Variants in CIRBP observed in about 807,000 individuals in gnomAD.
The protein encoded by CIRBP is cold inducible RNA binding protein.
A neutral mutation model predicts 22.3 loss-of-function variants in CIRBP; 11 were observed. That is an observed-to-expected ratio of 0.49 (90% CI 0.31 to 0.82). CIRBP has a LOEUF of 0.82. CIRBP is among the 40% of genes least tolerant of loss of function. CIRBP has a pLI of 0.05. For synonymous variants in CIRBP, 216 were observed against 158.8 expected (o/e 1.36, Z -2.71); for missense variants, 456 against 402.7 (o/e 1.13, Z -1.13).
Position 1,271,532 on chromosome 19 carries a change from C to T in CIRBP, c.350-19C>T, listed in dbSNP as rs915741978. ...TACTGCTGGTGGGAGCTGGTACTCA[C>T]TTTTTCCTGTATGTGCAGGAGGAGG... On this transcript the variant is annotated intron_variant, in intron 4 of 5. Transcript: ENST00000587896. The T allele has an allele frequency of 2.5e-6, 4 of 1,593,234 alleles. No individual in the cohort carries two copies. The highest frequency in any genetic ancestry group is 1.8e-5 in the Admixed American group (1 of 56,736).
Position 1,274,626 on chromosome 19 carries a change from C to T in CIRBP, c.*2183C>T, listed in dbSNP as rs1056400997. Reference sequence around the variant, plus strand: ...CCCGCCTGGAGCCCGCGCCTGTTCTCCCTCCCTTCCTCCTCCTTCCAGGAG... The same window carrying T: ...CCCGCCTGGAGCCCGCGCCTGTTCTTCCTCCCTTCCTCCTCCTTCCAGGAG... On this transcript the variant is annotated 3_prime_UTR_variant, in exon 6 of 6. Transcript: ENST00000587896. 2.2e-5 allele frequency: 6 copies of T among 268,214 alleles called. No individual in the cohort carries two copies. The highest frequency in any genetic ancestry group is 4.2e-5 in the Non-Finnish European group (6 of 143,476). 16.6% of individuals were successfully genotyped at this position (268,214 alleles called of 1,614,324 possible).
At chr19:1,271,787 A>G in intron 5 of CIRBP, 155 bp downstream of exon 5, 1 of 699,854 alleles carries the variant, frequency 1.4e-6, no homozygotes, top group Non-Finnish European at 2.4e-6. Context: ...ACTGCTCAGG[A>G]CATTCGCAGA....
At chr19:1,270,522 CTT>C (rs1340613147) in intron 1 of CIRBP, among the ~76,000 whole-genome samples, 10 of 152,168 alleles carry the variant, frequency 6.6e-5, no homozygotes, top group Admixed American at 6.5e-4. Flanking sequence ...AATCCCAAAA[CTT>C]TGGGTGGCCA....
chr19:1,269,678 C>T (rs913569631), intron 1 of CIRBP: 34 of 305,990 alleles, frequency 1.1e-4, no homozygotes, highest in African/African-American at 7.6e-4. Context: ...ATGGCGGGAG[C>T]GCCGAGTTCC....
rs1259511264 is a variant in CIRBP, at chr19:1,272,627, C to T, written c.*184C>T. The T allele has an allele frequency of 2.0e-6, 1 of 498,824 alleles. No individual in the cohort carries two copies. Among genetic ancestry groups the T allele is most frequent in the Non-Finnish European group, 3.6e-6 (1 of 279,880 alleles). 30.9% of individuals were successfully genotyped at this position (498,824 alleles called of 1,614,324 possible). On this transcript the variant is annotated 3_prime_UTR_variant, in exon 6 of 6. Coordinates refer to ENST00000587896, the MANE Select transcript of CIRBP (RefSeq NM_001300829.2). ...ACGCCGGGATGGCCTCGTTACTAGA[C>T]TTTTCTTTTTAAGGAAGTGCTGTTT...
At chr19:1,269,796 G>A (rs764033832) in intron 1 of CIRBP, 2 of 509,608 alleles carry the variant, frequency 3.9e-6, no homozygotes, top group Non-Finnish European at 3.9e-6. Context: ...TGGGGCTGGA[G>A]GTATCCACAC....
Position 1,270,756 on chromosome 19 carries a change from G to T in CIRBP, c.-6-172G>T. On this transcript the variant is annotated intron_variant, in intron 1 of 5. Coordinates refer to ENST00000587896, the MANE Select transcript of CIRBP (RefSeq NM_001300829.2). ...AGTCTGGGTGACAGTTAGACACACT[G>T]CCCCCGACCCCAAAAAAATAAGTCC... The T allele has an allele frequency of 1.3e-5, 8 of 602,336 alleles. No homozygotes were observed. The South Asian group carries it at 1.5e-4, about 11-fold the overall frequency. The allele number at this position is 602,336 out of a possible 1,614,324, so 37.3% of individuals were successfully genotyped here. A position where few individuals can be genotyped will look rare whatever the true frequency, so the allele number is the denominator to read the frequency against.
chr19:1,271,778 C>T lies in CIRBP; in HGVS notation c.431+146C>T, dbSNP rs2081345292. The T allele has an allele frequency of 4.3e-6, 3 of 699,506 alleles. No homozygotes were observed. The South Asian group carries it at 5.6e-5, about 13-fold the overall frequency. The allele number at this position is 699,506 out of a possible 1,614,324, so 43.3% of individuals were successfully genotyped here. A position where few individuals can be genotyped will look rare whatever the true frequency, so the allele number is the denominator to read the frequency against. On this transcript the variant is annotated intron_variant, in intron 5 of 5. Transcript: ENST00000587896. ...GGACCCAGGCCAAGAGGAGAGGAGA[C>T]TGCTCAGGACATTCGCAGAAGCGGG...
chr19:1,271,289 G>A (rs964807147), intron 3 of CIRBP, 40 bp from the exon 4 acceptor site: 5 of 1,613,886 alleles, frequency 3.1e-6, no homozygotes, highest in Non-Finnish European at 1.7e-6. Context: ...CTCGAGGATG[G>A]GGCACCCACC....
In CIRBP at chr19:1,272,275, A is replaced by G; in HGVS notation, c.726A>G (p.Ser242=). ...GKGERGPAGQ[S]ARCMCGRRPA... is the part of the protein sequence containing the mutation. Reference sequence around the variant, plus strand: ...GAGAGCGAGGGCCCGCTGGGCAGTCAGCTAGGTGCATGTGTGGCCGCAGGC... The same window carrying G: ...GAGAGCGAGGGCCCGCTGGGCAGTCGGCTAGGTGCATGTGTGGCCGCAGGC... Residue 242 remains serine, a synonymous_variant, in exon 6 of 6, where the codon TCA becomes TCG. Transcript: ENST00000587896. The G allele has an allele frequency of 6.2e-7, 1 of 1,612,596 alleles. No homozygotes were observed. Among genetic ancestry groups the G allele is most frequent in the South Asian group, 1.1e-5 (1 of 91,062 alleles).
Position 1,271,636 on chromosome 19 carries a change from A to C in CIRBP, c.431+4A>C. 1 of 1,501,728 alleles carries C rather than the reference A, an allele frequency of 6.7e-7. No homozygotes were observed. Among genetic ancestry groups the C allele is most frequent in the Non-Finnish European group, 9.0e-7 (1 of 1,105,750 alleles). The allele number at this position is 1,501,728 out of a possible 1,614,324, so 93.0% of individuals were successfully genotyped here. ...GCTCCAGAGACTACTATAGCAGGTGAGGGGGAGGCCGGCCCAAGCACAGGG... is the reference window on the plus strand; with the variant it reads ...GCTCCAGAGACTACTATAGCAGGTGCGGGGGAGGCCGGCCCAAGCACAGGG... On this transcript the variant is annotated splice_donor_region_variant and intron_variant, in intron 5 of 5. Transcript: ENST00000587896.
Position 1,272,694 on chromosome 19 carries a change from T to A in CIRBP, c.*251T>A. The A allele has an allele frequency of 2.6e-6, 1 of 381,754 alleles. No homozygotes were observed. Among genetic ancestry groups the A allele is most frequent in the South Asian group, 7.8e-5 (1 of 12,826 alleles). The allele number at this position is 381,754 out of a possible 1,614,324, so 23.6% of individuals were successfully genotyped here. On this transcript the variant is annotated 3_prime_UTR_variant, in exon 6 of 6. Transcript: ENST00000587896. ...AAAACATTTTGAAAAGCATTTACTT[T>A]TTTGACCACGAGCCATGAGTTTTCA...
In CIRBP at chr19:1,274,237, G is replaced by T; in HGVS notation, c.*1794G>T. The T allele has an allele frequency of 2.5e-6, 1 of 400,668 alleles. No homozygotes were observed. The highest frequency in any genetic ancestry group is 4.4e-6 in the Non-Finnish European group (1 of 226,108). 24.8% of individuals were successfully genotyped at this position (400,668 alleles called of 1,614,324 possible). On this transcript the variant is annotated 3_prime_UTR_variant, in exon 6 of 6. Transcript: ENST00000587896. ...CTTCCTAGGGGCTGTGGCTGTTTCCGGGGAGGCCGGGAGGGGCAGCTGTGA... is the reference window on the plus strand; with the variant it reads ...CTTCCTAGGGGCTGTGGCTGTTTCCTGGGAGGCCGGGAGGGGCAGCTGTGA...
Position 1,274,475 on chromosome 19 carries a change from G to C in CIRBP, c.*2032G>C, listed in dbSNP as rs2081389908. The C allele has an allele frequency of 5.1e-6, 2 of 394,304 alleles. No homozygotes were observed. Among genetic ancestry groups the C allele is most frequent in the African/African-American group, 2.1e-5 (1 of 48,526 alleles). 24.4% of individuals were successfully genotyped at this position (394,304 alleles called of 1,614,324 possible). A position where few individuals can be genotyped will look rare whatever the true frequency, so the allele number is the denominator to read the frequency against. On this transcript the variant is annotated 3_prime_UTR_variant, in exon 6 of 6. Transcript: ENST00000587896. ...TTCGGGAAGAGTGGCATGTGGCGCT[G>C]AGCCCTGTCCCGGGCGGCACCTGGG...
chr19:1,274,623 TCTCC>T lies in CIRBP; in HGVS notation c.*2187_*2190del, dbSNP rs2081392676. On this transcript the variant is annotated 3_prime_UTR_variant, in exon 6 of 6. Transcript: ENST00000587896. The stretch of plus-strand genomic sequence containing the variant: ...TCCCCCGCCTGGAGCCCGCGCCTGT[TCTCC>T]CTCCCTTCCTCCTCCTTCCAGGAGG... 1 of 271,582 alleles carries T rather than the reference TCTCC, an allele frequency of 3.7e-6. No individual in the cohort carries two copies. Among genetic ancestry groups the T allele is most frequent in the African/African-American group, 2.2e-5 (1 of 45,446 alleles). The allele number at this position is 271,582 out of a possible 1,614,324, so 16.8% of individuals were successfully genotyped here.
At position 1,274,045 on chromosome 19, in the gene CIRBP, C is replaced by G; in HGVS notation, c.*1602C>G. 2.9e-6 allele frequency: 1 copy of G among 347,156 alleles called. No individual in the cohort carries two copies. The highest frequency in any genetic ancestry group is 5.2e-6 in the Non-Finnish European group (1 of 193,692). 21.5% of individuals were successfully genotyped at this position (347,156 alleles called of 1,614,324 possible). A position where few individuals can be genotyped will look rare whatever the true frequency, so the allele number is the denominator to read the frequency against. ...TAAGTCACACTCTTAACTTAGCTTT[C>G]TCTGATGTCTGTTGCCGCCATTAGT... On this transcript the variant is annotated 3_prime_UTR_variant, in exon 6 of 6. Transcript: ENST00000587896.
rs1434663121 is a variant in CIRBP at position 1,273,876 on chromosome 19, T to C, written c.*1433T>C. ...TGGAACTAAAGTCAGGCCCAGCCATTACGCTCCCCACGTGCAGCCAGGTGC... is the reference window on the plus strand; with the variant it reads ...TGGAACTAAAGTCAGGCCCAGCCATCACGCTCCCCACGTGCAGCCAGGTGC... On this transcript the variant is annotated 3_prime_UTR_variant, in exon 6 of 6. Transcript: ENST00000587896. 16 of 165,762 alleles carry C rather than the reference T, an allele frequency of 9.7e-5. No homozygotes were observed. The highest frequency in any genetic ancestry group is 2.0e-4 in the South Asian group (1 of 4,958). The allele number at this position is 165,762 out of a possible 1,614,324, so 10.3% of individuals were successfully genotyped here.
At position 1,273,671 on chromosome 19, in the gene CIRBP, G is replaced by A. The variant is rs1319422046; in HGVS notation, c.*1228G>A. On this transcript the variant is annotated 3_prime_UTR_variant, in exon 6 of 6. Transcript: ENST00000587896. ...AACAGAACCCTCTGAGACGCAAGCT[G>A]CTCCCTTGGCTAGCTCATATGTGGA... The A allele has an allele frequency of 6.6e-6, 1 of 152,252 alleles. No homozygotes were observed. The highest frequency in any genetic ancestry group is 1.5e-5 in the Non-Finnish European group (1 of 68,064). The allele number at this position is 152,252 out of a possible 1,614,324, so 9.4% of individuals were successfully genotyped here.
chr19:1,271,291 G>C (rs768061355), intron 3 of CIRBP, 38 bp from the exon 4 acceptor site: 2 of 1,613,996 alleles, frequency 1.2e-6, no homozygotes, highest in Non-Finnish European at 1.7e-6. Context: ...CGAGGATGGG[G>C]CACCCACCTG....
Sources: gnomAD v4.1 joint callset for allele counts (sites outside exome capture counted in the v4.1 genomes callset) on GRCh38, gnomAD v4.1.1 for gene constraint, MANE v1.5 for transcripts, NCBI Gene and HGNC (gene_info 2026-07-23, HGNC 2026-07-21) for gene names.